The following IRS1 variants were observed in gnomAD, a reference collection of about 807,000 sequenced individuals.
IRS1 encodes insulin receptor substrate 1.
In IRS1, 34 loss-of-function variants were observed where a neutral mutation model predicts 65.6. The ratio of observed to expected loss-of-function variants is 0.52; its 90% CI spans 0.39 to 0.69. The LOEUF is 0.69. Among genes scored for constraint, IRS1 ranks in the 30% least tolerant of loss-of-function variants. The pLI, the probability that IRS1 is intolerant of heterozygous loss-of-function variation, is 0.00. For missense variants in IRS1, 1,641 were observed against 1,720.2 expected, an observed-to-expected ratio of 0.95 and a Z score of 0.81; for synonymous variants, 699 against 683.5, an observed-to-expected ratio of 1.02 and a Z score of -0.35.
intron 1 of IRS1, among the ~76,000 whole-genome samples, chr2:226,772,103 C>T (rs962354670): frequency 3.3e-5 from 5 of 152,160 alleles, no homozygotes; most frequent in African/African-American, 7.2e-5. Context: ...TATACTCTTA[C>T]AGCCAAGAAA....
intron 1 of IRS1, among the ~76,000 whole-genome samples, chr2:226,745,489 A>C (rs983028388): frequency 6.6e-6 from 1 of 152,250 alleles, no homozygotes; most frequent in Non-Finnish European, 1.5e-5. Flanking sequence ...AAAATTTGAA[A>C]GGAAACTAAG....
Position 226,761,802 on chromosome 2 carries a change from T to C in IRS1, c.*22-25552A>G, listed in dbSNP as rs950372592. ...CAAATTTTCAATCTTGAAACTTAAA[T>C]GACTGTTCCATGAATGCAGTTTGGA... On this transcript the variant is annotated intron_variant, in intron 1 of 1. Transcript: ENST00000305123. Among the ~76,000 whole-genome samples, 3 of 152,214 alleles carry C rather than the reference T, an allele frequency of 2.0e-5. No individual in the cohort carries two copies. The South Asian group carries it at 6.2e-4, about 32-fold the overall frequency.
chr2:226,738,997 A>G (rs1436946163), intron 1 of IRS1, among the ~76,000 whole-genome samples: 1 of 152,202 alleles, frequency 6.6e-6, no homozygotes, highest in East Asian at 1.9e-4. Flanking sequence ...GCACGGATGC[A>G]TAAGGACAGA....
At chr2:226,741,013 A>G (rs1207574429) in intron 1 of IRS1, among the ~76,000 whole-genome samples, 1 of 152,160 alleles carries the variant, frequency 6.6e-6, no homozygotes, top group Non-Finnish European at 1.5e-5. Context: ...AAAAAAAAGT[A>G]TCTTGAATAT....
In IRS1 at chr2:226,732,814, A is replaced by C. The variant is rs899531001; in HGVS notation, c.*3458T>G. 6.6e-6 allele frequency: 1 copy of C among 152,094 alleles called. No homozygotes were observed. The highest frequency in any genetic ancestry group is 1.5e-5 in the Non-Finnish European group (1 of 68,022). 9.4% of individuals were successfully genotyped at this position (152,094 alleles called of 1,614,324 possible). On this transcript the variant is annotated 3_prime_UTR_variant, in exon 2 of 2. Coordinates refer to ENST00000305123, the MANE Select transcript of IRS1 (RefSeq NM_005544.3). ...ACTCCCCTGTCAAGTCATTGCAAAG[A>C]AGAAATTTCATATTGGCTTCCACCC...
rs533686562 is a variant in IRS1, at chr2:226,785,751, T to A, written c.*21+9238A>T. On this transcript the variant is annotated intron_variant, in intron 1 of 1. Coordinates refer to ENST00000305123, the MANE Select transcript of IRS1 (RefSeq NM_005544.3). ...TAATCACTAGAAACTTTTCTTTTTT[T>A]TATATATATACTTTAAGTTTTAGGG... Among the ~76,000 whole-genome samples, 14 of 150,744 alleles carry A rather than the reference T, an allele frequency of 9.3e-5. No individual in the cohort carries two copies. The East Asian group carries it at 9.9e-4, about 11-fold the overall frequency.
chr2:226,746,893 G>T (rs979375511), intron 1 of IRS1, among the ~76,000 whole-genome samples: 1 of 150,466 alleles, frequency 6.6e-6, no homozygotes, highest in African/African-American at 2.5e-5. Context: ...AGGTTGGAGC[G>T]ATTCTCCTGC....
At chr2:226,783,268 T>C (rs983352160) in intron 1 of IRS1, among the ~76,000 whole-genome samples, 24 of 152,236 alleles carry the variant, frequency 1.6e-4, no homozygotes, top group Non-Finnish European at 3.2e-4. Context: ...AAGCATGTAA[T>C]ATAAAAATAT....
At chr2:226,740,936 C>T (rs1442307674) in intron 1 of IRS1, among the ~76,000 whole-genome samples, 1 of 151,762 alleles carries the variant, frequency 6.6e-6, no homozygotes, top group African/African-American at 2.4e-5. Flanking sequence ...ATTTCCTCCA[C>T]TTAAAGAAAT....
At chr2:226,742,729 A>AAAAAAAAAAAAAAG in intron 1 of IRS1, among the ~76,000 whole-genome samples, 1 of 151,464 alleles carries the variant, frequency 6.6e-6, no homozygotes, top group South Asian at 2.1e-4. Context: ...AAAAAAAAAG[A>AAAAAAAAAAAAAAG]AGACCGAAAG....
In IRS1 at chr2:226,789,002, A is replaced by G. The variant is rs145610728; in HGVS notation, c.*21+5987T>C. 7.9e-4 allele frequency among the ~76,000 whole-genome samples: 121 copies of G among 152,346 alleles called. 1 individual carries two copies. Among genetic ancestry groups the G allele is most frequent in the African/African-American group, 2.7e-3 (111 of 41,576 alleles). ...AAAGTTACAGGATCTTTAGTGTGAAACTGGCTTCAAGCATGATTCACAAGA... is the reference window on the plus strand; with the variant it reads ...AAAGTTACAGGATCTTTAGTGTGAAGCTGGCTTCAAGCATGATTCACAAGA... On this transcript the variant is annotated intron_variant, in intron 1 of 1. Transcript: ENST00000305123.
At chr2:226,767,225 G>A (rs1325856949) in intron 1 of IRS1, among the ~76,000 whole-genome samples, 1 of 152,186 alleles carries the variant, frequency 6.6e-6, no homozygotes, top group South Asian at 2.1e-4. Context: ...TCTACACAGT[G>A]CCAGTCAAAT....
chr2:226,796,879 G>T lies in IRS1; in HGVS notation c.1860C>A (p.Ala620=). Reference sequence around the variant, plus strand: ...TGCCCTTTCGGCCACTGGGCACTGGGGCCACCCCTGGGGACATGGGCATGT... The same window carrying T: ...TGCCCTTTCGGCCACTGGGCACTGGTGCCACCCCTGGGGACATGGGCATGT... ...DGYMPMSPGV[A]PVPSGRKGSG... The change falls in exon 1 of 2, where the codon GCC becomes GCA. Residue 620 remains alanine (A), a synonymous_variant. Coordinates refer to ENST00000305123, the MANE Select transcript of IRS1 (RefSeq NM_005544.3). 6.5e-7 allele frequency: 1 copy of T among 1,539,160 alleles called. No individual in the cohort carries two copies. Among genetic ancestry groups the T allele is most frequent in the Non-Finnish European group, 8.8e-7 (1 of 1,142,034 alleles).
At chr2:226,788,254 C>A (rs1023533409) in intron 1 of IRS1, among the ~76,000 whole-genome samples, 3 of 152,092 alleles carry the variant, frequency 2.0e-5, no homozygotes, top group Non-Finnish European at 4.4e-5. Context: ...ACTCAGCTTA[C>A]TCAATAAAAC....
chr2:226,797,641 G>A lies in IRS1; in HGVS notation c.1098C>T (p.His366=). The change falls in exon 1 of 2, where the codon CAC becomes CAT. Residue 366 remains histidine (H), a synonymous_variant. Coordinates refer to ENST00000305123, the MANE Select transcript of IRS1 (RefSeq NM_005544.3). The surrounding 1 kb of genome is among the most constrained non-coding windows in gnomAD (Gnocchi z 8.1). ...TGGAGCGGCTGTGGTTGAGCGGGGG[G>A]TGCAGCCGGGCGCTGCCCCGATGCC... ...AHRHRGSARL[H]PPLNHSRSIP... 4 of 1,590,688 alleles carry A rather than the reference G, an allele frequency of 2.5e-6. No individual in the cohort carries two copies. The highest frequency in any genetic ancestry group is 2.2e-5 in the East Asian group (1 of 44,800).
rs1260297833 is a variant in IRS1, at chr2:226,798,671, T to A, written c.68A>T (p.Lys23Met). Reference protein sequence around the residue: ...VRKVGYLRKPKSMHKRFFVLR... With the variant: ...VRKVGYLRKPMSMHKRFFVLR... ...TACGAAGAAGCGTTTGTGCATGCTC[T>A]TGGGTTTGCGCAGGTAGCCCACCTT... is the stretch of plus-strand genomic sequence containing the variant. The change falls in exon 1 of 2, where the codon AAG becomes ATG. Residue 23 changes from lysine (K) to methionine (M), a missense_variant. By Grantham distance (95) the Lys-to-Met change is moderately conservative. This residue lies in a region of IRS1 where 240 missense variants were observed against 229.6 expected (regional missense o/e 1.05). Coordinates refer to ENST00000305123, the MANE Select transcript of IRS1 (RefSeq NM_005544.3). The surrounding 1 kb of genome is among the most constrained non-coding windows in gnomAD (Gnocchi z 9.4). 6.2e-7 allele frequency: 1 copy of A among 1,613,228 alleles called. No individual in the cohort carries two copies. The highest frequency in any genetic ancestry group is 1.7e-5 in the Admixed American group (1 of 60,034).
At chr2:226,742,041 C>T (rs1938450193) in intron 1 of IRS1, among the ~76,000 whole-genome samples, 1 of 152,142 alleles carries the variant, frequency 6.6e-6, no homozygotes, top group Non-Finnish European at 1.5e-5. Flanking sequence ...GTTAGTAGCA[C>T]AGAAGGAGGA....
At chr2:226,746,605 A>T (rs972123527) in intron 1 of IRS1, among the ~76,000 whole-genome samples, 5 of 152,104 alleles carry the variant, frequency 3.3e-5, no homozygotes, top group African/African-American at 1.2e-4. Context: ...TTTCCAGTTG[A>T]CAATGAGGGG....
rs889050881 is a variant in IRS1 at position 226,736,151 on chromosome 2, TG to T, written c.*120del. 11 of 152,618 alleles carry T rather than the reference TG, an allele frequency of 7.2e-5. No homozygotes were observed. Among genetic ancestry groups the T allele is most frequent in the African/African-American group, 2.4e-4 (10 of 41,530 alleles). The allele number at this position is 152,618 out of a possible 1,614,324, so 9.5% of individuals were successfully genotyped here. On this transcript the variant is annotated 3_prime_UTR_variant, in exon 2 of 2. Transcript: ENST00000305123. ...ATGGATGCATCGTACCATCTACTGA[TG>T]AGGAAGATATGAGGTCCTAGTTGTG... is the stretch of plus-strand genomic sequence containing the variant.
Sources: gnomAD v4.1 joint callset for allele counts (sites outside exome capture counted in the v4.1 genomes callset) on GRCh38, gnomAD v4.1.1 for gene constraint, gnomAD v4.1.1 regional missense constraint, Gnocchi (gnomAD v3.1) non-coding constraint, MANE v1.5 for transcripts, NCBI Gene and HGNC (gene_info 2026-07-23, HGNC 2026-07-21) for gene names.